Variants in C2orf72 observed in about 807,000 individuals in gnomAD.
C2orf72 encodes uncharacterized protein C2orf72.
In C2orf72, 16 loss-of-function variants were observed where a neutral mutation model predicts 14.4. The observed-to-expected ratio is 1.11, with a 90% CI of 0.75 to 1.69. The LOEUF (loss-of-function observed/expected upper bound fraction) is 1.69, where lower values mean the gene tolerates loss of function less well. Ranked by LOEUF, C2orf72 falls within the 40% of genes most tolerant of loss-of-function variation. The pLI, the probability that C2orf72 is intolerant of heterozygous loss-of-function variation, is 0.00. For missense variants in C2orf72, 371 were observed against 358.3 expected (o/e 1.04, Z -0.29); for synonymous variants, 168 against 176.8 (o/e 0.95, Z 0.40).
intron 2 of C2orf72, among the ~76,000 whole-genome samples, chr2:231,045,159 G>A (rs896028456): frequency 1.3e-5 from 2 of 151,808 alleles, no homozygotes; most frequent in Non-Finnish European, 1.5e-5. Context: ...AGCTACTCGG[G>A]AGGCTGAGGC....
chr2:231,048,334 A>G lies in C2orf72; in HGVS notation c.*1313A>G, dbSNP rs1040949951. On this transcript the variant is annotated 3_prime_UTR_variant, in exon 3 of 3. Transcript: ENST00000373640. ...GATGCACAGTTTACGCAGCAGACAC[A>G]CAACTGCGCCTACTATTTGCTCGGT... 6 of 152,278 alleles carry G rather than the reference A, an allele frequency of 3.9e-5. No homozygotes were observed. Among genetic ancestry groups the G allele is most frequent in the African/African-American group, 1.4e-4 (6 of 41,458 alleles). 9.4% of individuals were successfully genotyped at this position (152,278 alleles called of 1,614,324 possible). A position where few individuals can be genotyped will look rare whatever the true frequency, so the allele number is the denominator to read the frequency against.
chr2:231,042,111 C>T (rs1190332235), intron 2 of C2orf72, among the ~76,000 whole-genome samples: 2 of 152,010 alleles, frequency 1.3e-5, no homozygotes, highest in African/African-American at 2.4e-5. Flanking sequence ...GCGGCCTGGG[C>T]CCGACCTGGG....
In C2orf72 at chr2:231,047,059, A is replaced by G. The variant is rs1693427754; in HGVS notation, c.*38A>G. ...TGCGCTGTCCCTGGCTCTAACCTACAGACTGGGGCCTGGCTCCGTCTTACT... is the reference window on the plus strand; with the variant it reads ...TGCGCTGTCCCTGGCTCTAACCTACGGACTGGGGCCTGGCTCCGTCTTACT... On this transcript the variant is annotated 3_prime_UTR_variant, in exon 3 of 3. Transcript: ENST00000373640. 1 of 1,551,396 alleles carries G rather than the reference A, an allele frequency of 6.4e-7. No individual in the cohort carries two copies. Among genetic ancestry groups the G allele is most frequent in the Non-Finnish European group, 8.7e-7 (1 of 1,146,842 alleles).
chr2:231,042,510 C>T (rs773285240), intron 2 of C2orf72, among the ~76,000 whole-genome samples: 1 of 152,138 alleles, frequency 6.6e-6, no homozygotes, highest in Non-Finnish European at 1.5e-5. Context: ...CGGATAGTGA[C>T]GCCATGGATG....
At chr2:231,045,281 T>G (rs1018868569) in intron 2 of C2orf72, among the ~76,000 whole-genome samples, 1 of 150,840 alleles carries the variant, frequency 6.6e-6, no homozygotes, top group South Asian at 2.1e-4. Context: ...AATAATAATT[T>G]TATATATATA....
chr2:231,043,408 AAAAG>A (rs1014718451), intron 2 of C2orf72, among the ~76,000 whole-genome samples: 88 of 152,314 alleles, frequency 5.8e-4, no homozygotes, highest in Non-Finnish European at 8.5e-4. Context: ...ACAAAAAAAA[AAAAG>A]AAAGAAAACA....
chr2:231,046,291 AGTGTGTGTGTGTGTGTGT>A (rs34513584), intron 2 of C2orf72, among the ~76,000 whole-genome samples: 22 of 136,276 alleles, frequency 1.6e-4, no homozygotes, highest in South Asian at 5.1e-4. Context: ...ACTTCTATGC[AGTGTGTGTGTGTGTGTGT>A]GTGTGTGTGT....
Position 231,041,319 on chromosome 2 carries a change from G to A in C2orf72, c.658G>A (p.Gly220Ser). 6.4e-7 allele frequency: 1 copy of A among 1,551,304 alleles called. No individual in the cohort carries two copies. Among genetic ancestry groups the A allele is most frequent in the Non-Finnish European group, 8.7e-7 (1 of 1,146,808 alleles). The change falls in exon 2 of 3, where the codon GGC becomes AGC. Residue 220 changes from glycine (G) to serine (S), a missense_variant. Gly to Ser is a moderately conservative substitution (Grantham distance 56, BLOSUM62 0). Transcript: ENST00000373640. ...QPVEGAWERP[G>S]LPGLLACFSW... Reference sequence around the variant, plus strand: ...AGTGGAAGGAGCCTGGGAGAGGCCAGGCCTCCCCGGACTGCTAGCCTGCTT... The same window carrying A: ...AGTGGAAGGAGCCTGGGAGAGGCCAAGCCTCCCCGGACTGCTAGCCTGCTT...
intron 1 of C2orf72, 25 bp from the exon 2 acceptor site, chr2:231,041,271 G>C: frequency 6.6e-7 from 1 of 1,513,684 alleles, no homozygotes. Context: ...GTGACCCTCT[G>C]ACTCAGGTTT....
intron 2 of C2orf72, among the ~76,000 whole-genome samples, chr2:231,046,396 G>A (rs949679004): frequency 6.6e-6 from 1 of 151,916 alleles, no homozygotes; most frequent in Non-Finnish European, 1.5e-5. Flanking sequence ...TTATATGTGT[G>A]AGCCATAGTT....
intron 1 of C2orf72, 53 bp downstream of exon 1, chr2:231,038,252 TC>T: frequency 1.7e-6 from 2 of 1,160,406 alleles, no homozygotes; most frequent in Non-Finnish European, 2.1e-6. Flanking sequence ...CTCGGGCACG[TC>T]CCCCAAGTTG....
rs1693442550 is a variant in C2orf72 at position 231,048,144 on chromosome 2, G to A, written c.*1123G>A. ...TGACAGAATCGATGATGTTCCCTTA[G>A]AGCTGGGAAATCCATGTGTTTATTC... On this transcript the variant is annotated 3_prime_UTR_variant, in exon 3 of 3. Transcript: ENST00000373640. The A allele has an allele frequency of 6.6e-6, 1 of 152,304 alleles. No homozygotes were observed. Among genetic ancestry groups the A allele is most frequent in the South Asian group, 2.1e-4 (1 of 4,824 alleles). 9.4% of individuals were successfully genotyped at this position (152,304 alleles called of 1,614,324 possible). A position where few individuals can be genotyped will look rare whatever the true frequency, so the allele number is the denominator to read the frequency against.
intron 1 of C2orf72, 53 bp downstream of exon 1, chr2:231,038,252 T>A: frequency 8.6e-7 from 1 of 1,160,414 alleles, no homozygotes; most frequent in Non-Finnish European, 1.1e-6. Flanking sequence ...CTCGGGCACG[T>A]CCCCCAAGTT....
rs1693337735 is a variant in C2orf72, at chr2:231,041,385, G to T, written c.724G>T (p.Ala242Ser). 6.4e-7 allele frequency: 1 copy of T among 1,551,446 alleles called. No homozygotes were observed. Among genetic ancestry groups the T allele is most frequent in the Non-Finnish European group, 8.7e-7 (1 of 1,146,924 alleles). ...PWSRRKNQDV[A>S]ACRSSAQEDF... Reference sequence around the variant, plus strand: ...GAGCCGGAGGAAGAACCAGGATGTTGCTGCCTGCAGAAGCTCAGCTCAGGG... The same window carrying T: ...GAGCCGGAGGAAGAACCAGGATGTTTCTGCCTGCAGAAGCTCAGCTCAGGG... The change falls in exon 2 of 3, where the codon GCT (alanine) becomes TCT (serine). Residue 242 changes from alanine to serine, a missense_variant. This residue lies in a region of C2orf72 where 145 missense variants were observed against 149.4 expected (regional missense o/e 0.97). Coordinates refer to ENST00000373640, the MANE Select transcript of C2orf72 (RefSeq NM_001144994.2).
chr2:231,039,167 C>G (rs1316142417), intron 1 of C2orf72, among the ~76,000 whole-genome samples: 1 of 151,864 alleles, frequency 6.6e-6, no homozygotes, highest in Non-Finnish European at 1.5e-5. Context: ...ACACCAGGGA[C>G]TGTTGTGGCG....
chr2:231,043,686 A>G (rs1693373444), intron 2 of C2orf72, among the ~76,000 whole-genome samples: 1 of 152,252 alleles, frequency 6.6e-6, no homozygotes, highest in South Asian at 2.1e-4. Flanking sequence ...TTTTACATAA[A>G]TCTTGGATAA....
Position 231,037,813 on chromosome 2 carries a change from A to AGAGGGCGAC in C2orf72, c.255_256insACGAGGGCG (p.Ala85_Ala86insThrArgAla), listed in dbSNP as rs1466699151. Reference sequence around the variant, plus strand: ...GGGCCCGGGGCGGCGCGCGGGGCGCAGAGGGCGGCGAGGGCGGCTGGGGCG... The same window carrying AGAGGGCGAC: ...GGGCCCGGGGCGGCGCGCGGGGCGCAGAGGGCGACGAGGGCGGCGAGGGCGGCTGGGGCG... On this transcript the variant is annotated inframe_insertion, in exon 1 of 3. Transcript: ENST00000373640. 1.1e-5 allele frequency: 11 copies of AGAGGGCGAC among 977,916 alleles called. No individual in the cohort carries two copies. The highest frequency in any genetic ancestry group is 9.7e-6 in the Non-Finnish European group (8 of 827,520). The allele number at this position is 977,916 out of a possible 1,614,324, so 60.6% of individuals were successfully genotyped here. A position where few individuals can be genotyped will look rare whatever the true frequency, so the allele number is the denominator to read the frequency against.
Position 231,042,872 on chromosome 2 carries a change from C to T in C2orf72, c.748+1463C>T, listed in dbSNP as rs946144531. On this transcript the variant is annotated intron_variant, in intron 2 of 2. Transcript: ENST00000373640. ...ATACAAAATTAGCCGGGTGTGGTGG[C>T]ACATGCCTGTAATCCCAGCTACTTG... Among the ~76,000 whole-genome samples the T allele has an allele frequency of 2.6e-5, 4 of 152,176 alleles. 1 individual carries two copies. Among genetic ancestry groups the T allele is most frequent in the Admixed American group, 2.6e-4 (4 of 15,274 alleles).
chr2:231,041,479 T>C (rs1693339190), intron 2 of C2orf72, 70 bp downstream of exon 2: 7 of 1,226,580 alleles, frequency 5.7e-6, no homozygotes, highest in East Asian at 5.1e-5. Flanking sequence ...TCACGTGAAC[T>C]TGGGGACCTT....
Sources: allele counts gnomAD v4.1 joint callset (sites outside exome capture counted in the v4.1 genomes callset), GRCh38; gene constraint gnomAD v4.1.1; regional missense constraint gnomAD v4.1.1; transcripts MANE v1.5; gene names NCBI Gene and HGNC (gene_info 2026-07-23, HGNC 2026-07-21).